Variants in TSPAN7 observed in about 807,000 individuals in gnomAD.
The protein encoded by TSPAN7 is tetraspanin 7.
In TSPAN7, 1 loss-of-function variant was observed where a neutral mutation model predicts 17.6. That is an observed-to-expected ratio of 0.06 (90% CI 0.02 to 0.27). The LOEUF is 0.27. Among genes scored for constraint, TSPAN7 ranks in the 10% least tolerant of loss-of-function variants. TSPAN7 has a pLI of 1.00. For missense variants in TSPAN7, 112 were observed against 201.7 expected, an observed-to-expected ratio of 0.56 and a Z score of 2.69; for synonymous variants, 78 against 79.0, an observed-to-expected ratio of 0.99 and a Z score of 0.07.
Position 38,586,593 on chromosome X carries a change from C to T in TSPAN7, c.81+24966C>T, listed in dbSNP as rs773828430. Among the ~76,000 whole-genome samples, 22 of 111,705 alleles carry T rather than the reference C, an allele frequency of 2.0e-4. No homozygotes were observed. In the South Asian group the frequency reaches 3.0e-3, roughly 15 times the overall value. ...TCAGGGACTTGAATTTTTAAAAAGC[C>T]GATTTCTTGAAAAATCATTTATTGA... On this transcript the variant is annotated intron_variant, in intron 1 of 7. Coordinates refer to ENST00000378482, the MANE Select transcript of TSPAN7 (RefSeq NM_004615.4).
intron 1 of TSPAN7, among the ~76,000 whole-genome samples, chrX:38,649,054 T>G (rs1039338310): frequency 3.6e-4 from 40 of 112,154 alleles, no homozygotes; most frequent in Admixed American, 1.9e-4. Context: ...TTTATTTTTA[T>G]TATACCCTCT....
At chrX:38,576,179 A>G (rs773297707) in intron 1 of TSPAN7, among the ~76,000 whole-genome samples, 1 of 112,004 alleles carries the variant, frequency 8.9e-6, no homozygotes, top group South Asian at 3.7e-4. Context: ...CATGGGCTAC[A>G]ATTTGCTGAT....
In TSPAN7 at chrX:38,657,447, T is replaced by C. The variant is rs140446051; in HGVS notation, c.82-8674T>C. Among the ~76,000 whole-genome samples the C allele has an allele frequency of 6.7e-3, 751 of 111,846 alleles. 7 individuals carry two copies. The highest frequency in any genetic ancestry group is 0.011 in the Non-Finnish European group (574 of 53,154). On this transcript the variant is annotated intron_variant, in intron 1 of 7. Coordinates refer to ENST00000378482, the MANE Select transcript of TSPAN7 (RefSeq NM_004615.4). Reference sequence around the variant, plus strand: ...TGGGCCCACAGGACATTAGAGAGTATTCAGTCTCTAGCCAGCCACCTCCTT... The same window carrying C: ...TGGGCCCACAGGACATTAGAGAGTACTCAGTCTCTAGCCAGCCACCTCCTT...
chrX:38,680,102 G>T (rs1303880304), intron 5 of TSPAN7, among the ~76,000 whole-genome samples: 1 of 111,339 alleles, frequency 9.0e-6, no homozygotes, highest in East Asian at 2.8e-4. Flanking sequence ...TAACAAACTT[G>T]CACATGTACC....
chrX:38,651,765 G>A (rs1380541476), intron 1 of TSPAN7, among the ~76,000 whole-genome samples: 5 of 111,884 alleles, frequency 4.5e-5, no homozygotes, highest in African/African-American at 9.8e-5. Context: ...TATAGGAATA[G>A]ATCTCTGGTG....
At chrX:38,634,667 A>G (rs1375266264) in intron 1 of TSPAN7, among the ~76,000 whole-genome samples, 1 of 111,789 alleles carries the variant, frequency 8.9e-6, no homozygotes, top group Admixed American at 9.5e-5. Context: ...CCATCTACTT[A>G]GGGACTTTAT....
rs2069653964 is a variant in TSPAN7 at position 38,647,939 on chromosome X, AACTAACTTAT to A, written c.82-18180_82-18171del. ...ATTAACTATACCAAGTAACCAAGAA[AACTAACTTAT>A]AAAAGTTCCTGGCATGGTGTAGTCA... On this transcript the variant is annotated intron_variant, in intron 1 of 7. Transcript: ENST00000378482. 2.7e-5 allele frequency among the ~76,000 whole-genome samples: 3 copies of A among 111,938 alleles called. No homozygotes were observed. In the South Asian group the frequency reaches 1.1e-3, roughly 42 times the overall value.
intron 3 of TSPAN7, among the ~76,000 whole-genome samples, chrX:38,672,418 A>G (rs1167019475): frequency 2.7e-5 from 3 of 109,850 alleles, no homozygotes; most frequent in Non-Finnish European, 3.8e-5. Context: ...GCTTGACTGT[A>G]TGCTCTCTGC....
At chrX:38,566,326 A>G in intron 1 of TSPAN7, 1 of 959,330 alleles carries the variant, frequency 1.0e-6, no homozygotes, top group Non-Finnish European at 1.3e-6. Flanking sequence ...TTTCAGGTCT[A>G]TAGAAGAGGA....
At chrX:38,604,411 T>C (rs1265936582) in intron 1 of TSPAN7, among the ~76,000 whole-genome samples, 39 of 109,562 alleles carry the variant, frequency 3.6e-4, no homozygotes, top group African/African-American at 1.1e-3. Flanking sequence ...CTGGGTCAAA[T>C]GGTATTTCTA....
At chrX:38,626,614 A>C (rs767404689) in intron 1 of TSPAN7, among the ~76,000 whole-genome samples, 2 of 111,365 alleles carry the variant, frequency 1.8e-5, no homozygotes, top group Non-Finnish European at 1.9e-5. Context: ...TCTAGGTTCC[A>C]GAGAGGGCTG....
intron 1 of TSPAN7, among the ~76,000 whole-genome samples, chrX:38,659,395 T>C (rs1366662678): frequency 8.9e-6 from 1 of 111,855 alleles, no homozygotes; most frequent in East Asian, 2.8e-4. Flanking sequence ...AACTCTCTTT[T>C]GTTTGCTTAA....
At chrX:38,626,017 C>T (rs1307918662) in intron 1 of TSPAN7, among the ~76,000 whole-genome samples, 3 of 112,108 alleles carry the variant, frequency 2.7e-5, no homozygotes, top group East Asian at 2.8e-4. Flanking sequence ...AATTTGTCAC[C>T]GTAAAGACTG....
At chrX:38,604,641 T>C (rs1426989585) in intron 1 of TSPAN7, among the ~76,000 whole-genome samples, 1 of 111,686 alleles carries the variant, frequency 9.0e-6, no homozygotes, top group Non-Finnish European at 1.9e-5. Context: ...CATTTTTTCA[T>C]GTGTTTTTTG....
chrX:38,656,994 T>C (rs746406590), intron 1 of TSPAN7, among the ~76,000 whole-genome samples: 1 of 112,565 alleles, frequency 8.9e-6, no homozygotes, highest in African/African-American at 3.2e-5. Context: ...AGTTAAATTC[T>C]TTCTTTTCTT....
At chrX:38,646,326 G>A in intron 1 of TSPAN7, 1 of 1,150,114 alleles carries the variant, frequency 8.7e-7, no homozygotes, top group Non-Finnish European at 1.2e-6. Context: ...AGTAAATTTT[G>A]TTGCAGGGTT....
chrX:38,566,139 C>T (rs1355286789), intron 1 of TSPAN7, among the ~76,000 whole-genome samples: 2 of 112,194 alleles, frequency 1.8e-5, no homozygotes, highest in African/African-American at 6.5e-5. Flanking sequence ...GCAACACAAT[C>T]ACGTGAGAAG....
intron 1 of TSPAN7, among the ~76,000 whole-genome samples, chrX:38,613,069 A>T (rs1435869182): frequency 9.0e-6 from 1 of 111,103 alleles, no homozygotes; most frequent in Non-Finnish European, 1.9e-5. Context: ...TGCAACTAAC[A>T]CTCAGGAGCT....
At chrX:38,679,629 A>G (rs981768180) in intron 5 of TSPAN7, among the ~76,000 whole-genome samples, 16 of 109,992 alleles carry the variant, frequency 1.5e-4, no homozygotes, top group Admixed American at 9.8e-4. Flanking sequence ...GTGAAACCCC[A>G]TCTGTACTAA....
Sources: allele counts gnomAD v4.1 joint callset (sites outside exome capture counted in the v4.1 genomes callset), GRCh38; gene constraint gnomAD v4.1.1; transcripts MANE v1.5; gene names NCBI Gene and HGNC (gene_info 2026-07-23, HGNC 2026-07-21).